SLC38A6: variants seen among roughly 807,000 people sequenced by gnomAD.
SLC38A6 encodes N system amino acid transporter NAT-1.
A neutral mutation model predicts 65.0 loss-of-function variants in SLC38A6; 73 were observed. The ratio of observed to expected loss-of-function variants is 1.12; its 90% CI spans 0.93 to 1.37. The LOEUF is 1.37. SLC38A6 is among the 40% of genes most tolerant of loss of function. SLC38A6 has a pLI of 0.00. For synonymous variants in SLC38A6, 183 were observed against 178.8 expected, an observed-to-expected ratio of 1.02 and a Z score of -0.19; for missense variants, 561 against 531.1, an observed-to-expected ratio of 1.06 and a Z score of -0.55.
intron 3 of SLC38A6, among the ~76,000 whole-genome samples, chr14:61,006,125 A>G (rs1317868922): frequency 6.6e-6 from 1 of 152,218 alleles, no homozygotes; most frequent in Admixed American, 6.5e-5. Context: ...GGCTAGCCAT[A>G]TGTAGAAAGC....
intron 3 of SLC38A6, chr14:60,987,451 G>T (rs2037536736): frequency 6.6e-6 from 1 of 152,404 alleles, no homozygotes; most frequent in Admixed American, 6.5e-5. Flanking sequence ...GGTCTATCAG[G>T]ACTTTTCATG....
intron 3 of SLC38A6, among the ~76,000 whole-genome samples, chr14:61,015,120 T>C (rs1001535746): frequency 3.9e-5 from 6 of 152,190 alleles, no homozygotes; most frequent in African/African-American, 7.2e-5. Context: ...GCCTTGCAGT[T>C]TGATCTCAGA....
chr14:61,064,138 C>G (rs1290399943), intron 15 of SLC38A6, among the ~76,000 whole-genome samples: 2 of 152,222 alleles, frequency 1.3e-5, no homozygotes, highest in Admixed American at 1.3e-4. Flanking sequence ...CAGCTGTACT[C>G]TCCTACTAAT....
At chr14:61,037,339 G>C (rs1403813516) in intron 7 of SLC38A6, among the ~76,000 whole-genome samples, 198 bp downstream of exon 7, 1 of 152,004 alleles carries the variant, frequency 6.6e-6, no homozygotes, top group Non-Finnish European at 1.5e-5. Flanking sequence ...CTATTACTTG[G>C]TTTGCAGTAG....
chr14:61,041,637 C>T (rs148334182), intron 8 of SLC38A6, among the ~76,000 whole-genome samples: 2 of 152,258 alleles, frequency 1.3e-5, no homozygotes, highest in East Asian at 1.9e-4. Flanking sequence ...CAGTGGCTCA[C>T]GCCTGTAATC....
downstream of SLC38A6, among the ~76,000 whole-genome samples, chr14:61,054,548 T>C (rs1213543408): frequency 6.6e-6 from 1 of 152,200 alleles, no homozygotes; most frequent in African/African-American, 2.4e-5. Context: ...CTCTGATTTA[T>C]TTAAGCAGTG....
chr14:61,031,454 G>A (rs2040984033), intron 6 of SLC38A6, among the ~76,000 whole-genome samples: 2 of 152,198 alleles, frequency 1.3e-5, no homozygotes, highest in South Asian at 4.1e-4. Flanking sequence ...ATATTTGTAA[G>A]AAAAGTGTGG....
chr14:61,021,346 A>G (rs1400030795), intron 5 of SLC38A6, among the ~76,000 whole-genome samples: 1 of 152,202 alleles, frequency 6.6e-6, no homozygotes, highest in Non-Finnish European at 1.5e-5. Context: ...ATGAAATATA[A>G]AAAAGACACT....
At chr14:61,032,528 T>A (rs2041069977) in intron 6 of SLC38A6, among the ~76,000 whole-genome samples, 1 of 151,944 alleles carries the variant, frequency 6.6e-6, no homozygotes, top group South Asian at 2.1e-4. Flanking sequence ...TATTTTTACA[T>A]GTTAGAAATA....
chr14:61,039,518 A>C (rs960856819), intron 8 of SLC38A6, among the ~76,000 whole-genome samples: 1 of 134,414 alleles, frequency 7.4e-6, no homozygotes, highest in African/African-American at 2.8e-5. Flanking sequence ...TTTCAGGTGC[A>C]TGCTAATTTT....
At chr14:61,083,591 G>A (rs1271694816) in exon 17 of SLC38A6, 3 of 1,550,502 alleles carry the variant, frequency 1.9e-6, no homozygotes, top group African/African-American at 2.7e-5. Context: ...CAGAGGAAAG[G>A]CCACGCAAGG....
chr14:61,052,599 A>C lies in SLC38A6; in HGVS notation c.*170A>C, dbSNP rs2042570934. 3.4e-6 allele frequency: 3 copies of C among 888,260 alleles called. No homozygotes were observed. The highest frequency in any genetic ancestry group is 4.5e-6 in the Non-Finnish European group (3 of 666,170). The allele number at this position is 888,260 out of a possible 1,614,324, so 55.0% of individuals were successfully genotyped here. ...AAGTAAGAGTGTGGCAGTTTTAATC[A>C]AAAAAAGAAACAAACTCGAAATGCT... On this transcript the variant is annotated 3_prime_UTR_variant, in exon 16 of 16. Transcript: ENST00000267488.
At chr14:61,077,157 C>A (rs2043448528) in intron 15 of SLC38A6, among the ~76,000 whole-genome samples, 2 of 152,098 alleles carry the variant, frequency 1.3e-5, no homozygotes, top group Non-Finnish European at 2.9e-5. Flanking sequence ...AAGGTTATAA[C>A]CTTTGTGAAA....
chr14:61,046,111 C>CT lies in SLC38A6; in HGVS notation c.872dup (p.Leu291PhefsTer19). On this transcript the variant is annotated frameshift_variant, in exon 12 of 16. Coordinates refer to ENST00000267488, the MANE Select transcript of SLC38A6 (RefSeq NM_153811.3). LOFTEE classifies it high-confidence loss of function. ...CAGAATGTTACCAATACAGCAATTG[C>CT]TTTAAGTTTTCTCATTTATTTTATA... 1 of 1,611,754 alleles carries CT rather than the reference C, an allele frequency of 6.2e-7. No individual in the cohort carries two copies. The highest frequency in any genetic ancestry group is 1.1e-5 in the South Asian group (1 of 90,746).
At chr14:60,999,626 T>C (rs1459264195) in intron 3 of SLC38A6, among the ~76,000 whole-genome samples, 1 of 152,206 alleles carries the variant, frequency 6.6e-6, no homozygotes, top group African/African-American at 2.4e-5. Context: ...AAAAGAACTT[T>C]GCAGATGTGA....
At position 61,052,379 on chromosome 14, in the gene SLC38A6, G is replaced by A. The variant is rs759504876; in HGVS notation, c.1321G>A (p.Val441Ile). Residue 441 changes from valine (V) to isoleucine (I), a missense_variant, in exon 16 of 16, where the codon GTT (valine) becomes ATT (isoleucine). Transcript: ENST00000267488. ...CGTTTTGCTCATCTTTGGAATTTTG[G>A]TTGGGAATTTTAGTTTAGCACTCAT... The part of the protein sequence containing the change: ...AFVLLIFGIL[V>I]GNFSLALIIF... 5 of 1,583,232 alleles carry A rather than the reference G, an allele frequency of 3.2e-6. No individual in the cohort carries two copies. The highest frequency in any genetic ancestry group is 3.4e-6 in the Non-Finnish European group (4 of 1,166,596).
At chr14:61,044,826 C>T (rs952952747) in intron 10 of SLC38A6, among the ~76,000 whole-genome samples, 1 of 152,030 alleles carries the variant, frequency 6.6e-6, no homozygotes, top group Non-Finnish European at 1.5e-5. Flanking sequence ...TGAAAGAGAT[C>T]CTAATCAAAG....
intron 15 of SLC38A6, among the ~76,000 whole-genome samples, chr14:61,062,085 C>T (rs1041632399): frequency 4.2e-4 from 64 of 152,084 alleles, no homozygotes; most frequent in Admixed American, 2.9e-3. Context: ...GTGATCCATC[C>T]GCCTCGACCT....
chr14:61,072,204 G>C (rs969354025), intron 15 of SLC38A6, among the ~76,000 whole-genome samples: 12 of 151,962 alleles, frequency 7.9e-5, no homozygotes, highest in African/African-American at 2.2e-4. Flanking sequence ...GCTTCCAAAG[G>C]CACTTTTATT....
Sources: allele counts gnomAD v4.1 joint callset (sites outside exome capture counted in the v4.1 genomes callset), GRCh38; gene constraint gnomAD v4.1.1; transcripts MANE v1.5; gene names NCBI Gene and HGNC (gene_info 2026-07-23, HGNC 2026-07-21).